Variants in HCN2 observed in about 807,000 individuals in gnomAD.
HCN2 encodes potassium/sodium hyperpolarization-activated cyclic nucleotide-gated channel 2.
In HCN2, 20 loss-of-function variants were observed where a neutral mutation model predicts 52.3. The observed-to-expected ratio is 0.38, with a 90% CI of 0.27 to 0.56. HCN2 has a LOEUF of 0.56. HCN2 is among the 20% of genes least tolerant of loss of function. HCN2 has a pLI of 0.71. For missense variants in HCN2, 981 were observed against 1,207.7 expected (o/e 0.81, Z 2.78); for synonymous variants, 694 against 537.0 (o/e 1.29, Z -4.04).
intron 1 of HCN2, among the ~76,000 whole-genome samples, chr19:598,179 C>T (rs1056206355): frequency 4.6e-5 from 7 of 152,306 alleles, no homozygotes; most frequent in Admixed American, 1.3e-4. Flanking sequence ...ATGTGTCGGA[C>T]TGGGGGCCTG....
rs1285020953 is a variant in HCN2, at chr19:615,695, C to T, written c.1991-100C>T. 4 of 1,139,478 alleles carry T rather than the reference C, an allele frequency of 3.5e-6. No homozygotes were observed. In the South Asian group the frequency reaches 3.8e-5, roughly 11 times the overall value. 70.6% of individuals were successfully genotyped at this position (1,139,478 alleles called of 1,614,324 possible). On this transcript the variant is annotated intron_variant, in intron 7 of 7. Coordinates refer to ENST00000251287, the MANE Select transcript of HCN2 (RefSeq NM_001194.4). ...GTAAATGCATGCTTGCTCTACACGG[C>T]AAGCACTGTGTGCGCACCCGCGGTG... is the stretch of plus-strand genomic sequence containing the variant.
rs1432091393 is a variant in HCN2, at chr19:615,903, A to G, written c.2099A>G (p.Glu700Gly). Residue 700 changes from glutamate to glycine, a missense_variant, in exon 8 of 8, where the codon GAG becomes GGG. Around this residue, in one of 6 missense-constraint regions of HCN2, gnomAD observed 368 missense variants for 314.8 expected, o/e 1.17. Coordinates refer to ENST00000251287, the MANE Select transcript of HCN2 (RefSeq NM_001194.4). ...IIQEIVKYDREMVQQAELGQR... is the reference protein window; with the variant it reads ...IIQEIVKYDRGMVQQAELGQR... ...CAGGAGATCGTCAAGTACGACCGCG[A>G]GATGGTGCAGCAGGCCGAGCTGGGT... The G allele has an allele frequency of 6.2e-7, 1 of 1,612,576 alleles. No homozygotes were observed. Among genetic ancestry groups the G allele is most frequent in the East Asian group, 2.2e-5 (1 of 44,838 alleles).
In HCN2 at chr19:613,590, T is replaced by TCC. The variant is rs1568368620; in HGVS notation, c.1825+102_1825+103insCC. 3.0e-4 allele frequency: 17 copies of TCC among 55,796 alleles called. 1 individual carries two copies. In the East Asian group the frequency reaches 3.3e-3, roughly 11 times the overall value. The allele number at this position is 55,796 out of a possible 1,614,324, so 3.5% of individuals were successfully genotyped here. A position where few individuals can be genotyped will look rare whatever the true frequency, so the allele number is the denominator to read the frequency against. ...CCGGGGCCGGGGCCGGGGATGGGGA[T>TCC]GGGGATGGGGATGGGGCCGGGGATG... On this transcript the variant is annotated intron_variant, in intron 6 of 7. Transcript: ENST00000251287.
At chr19:597,101 C>T (rs538606684) in intron 1 of HCN2, among the ~76,000 whole-genome samples, 40 of 152,326 alleles carry the variant, frequency 2.6e-4, no homozygotes, top group African/African-American at 8.7e-4. Context: ...ACGGGCAGGC[C>T]CAGCCCCACA....
intron 1 of HCN2, among the ~76,000 whole-genome samples, chr19:596,140 C>T (rs775538260): frequency 5.3e-5 from 8 of 152,220 alleles, no homozygotes; most frequent in Non-Finnish European, 1.2e-4. Flanking sequence ...CCTGGAGAGA[C>T]GGGGACCTGC....
At chr19:600,187 C>G (rs1238230381) in intron 1 of HCN2, among the ~76,000 whole-genome samples, 5 of 152,054 alleles carry the variant, frequency 3.3e-5, no homozygotes, top group Non-Finnish European at 7.4e-5. Context: ...GTGTTTTGTT[C>G]TTTGAGACAG....
In HCN2 at chr19:592,304, G is replaced by A. The variant is rs1029397612; in HGVS notation, c.632+1727G>A. On this transcript the variant is annotated intron_variant, in intron 1 of 7. Transcript: ENST00000251287. This position sits in a 1 kb window ranked among gnomAD's most constrained non-coding sequence, Gnocchi z 4.8. Reference sequence around the variant, plus strand: ...GGCTGGCAGGTGGAGGCCCACACCAGCCACTCCCTCCCCTGGGCAGCTCCA... The same window carrying A: ...GGCTGGCAGGTGGAGGCCCACACCAACCACTCCCTCCCCTGGGCAGCTCCA... Among the ~76,000 whole-genome samples, 1 of 152,218 alleles carries A rather than the reference G, an allele frequency of 6.6e-6. No individual in the cohort carries two copies. The highest frequency in any genetic ancestry group is 6.5e-5 in the Admixed American group (1 of 15,284).
At position 604,929 on chromosome 19, in the gene HCN2, G is replaced by C. The variant is rs191473796; in HGVS notation, c.1057-132G>C. 1.3e-4 allele frequency: 115 copies of C among 901,180 alleles called. 8 individuals carry two copies. In the Admixed American group the frequency reaches 3.5e-3, roughly 27 times the overall value. 55.8% of individuals were successfully genotyped at this position (901,180 alleles called of 1,614,324 possible). On this transcript the variant is annotated intron_variant, in intron 2 of 7. Coordinates refer to ENST00000251287, the MANE Select transcript of HCN2 (RefSeq NM_001194.4). ...GGGGCAGGGCTGCAGGGTGGGGCGGGGGTCCTGTGCGGGGCCTTGGATTTG... is the reference window on the plus strand; with the variant it reads ...GGGGCAGGGCTGCAGGGTGGGGCGGCGGTCCTGTGCGGGGCCTTGGATTTG...
At chr19:596,570 A>C (rs1349027327) in intron 1 of HCN2, among the ~76,000 whole-genome samples, 1 of 152,144 alleles carries the variant, frequency 6.6e-6, no homozygotes, top group Non-Finnish European at 1.5e-5. Context: ...GATGGGTTTT[A>C]AATACAGGAT....
intron 4 of HCN2, among the ~76,000 whole-genome samples, chr19:608,518 G>T (rs1026001195): frequency 6.6e-6 from 1 of 152,060 alleles, no homozygotes; most frequent in South Asian, 2.1e-4. Context: ...GAGGAGAAAC[G>T]GCCGGTGGTG....
At chr19:604,169 GAT>G (rs2144517232) in intron 2 of HCN2, among the ~76,000 whole-genome samples, 8 of 56,620 alleles carry the variant, frequency 1.4e-4, no homozygotes, top group South Asian at 9.3e-4. Flanking sequence ...AGGCCCCAGG[GAT>G]GGGGCTATGA....
In HCN2 at chr19:596,447, C is replaced by T. The variant is rs560217004; in HGVS notation, c.632+5870C>T. ...CCCCAGGGACCCAGCCTCATCCCGG[C>T]CTCCGGAGCTGGTCTCCCTCCCTGC... On this transcript the variant is annotated intron_variant, in intron 1 of 7. Coordinates refer to ENST00000251287, the MANE Select transcript of HCN2 (RefSeq NM_001194.4). Among the ~76,000 whole-genome samples, 10 of 152,346 alleles carry T rather than the reference C, an allele frequency of 6.6e-5. No individual in the cohort carries two copies. The East Asian group carries it at 1.9e-3, about 29-fold the overall frequency.
chr19:602,913 G>A lies in HCN2; in HGVS notation c.633-631G>A, dbSNP rs7508139. Among the ~76,000 whole-genome samples the A allele has an allele frequency of 2.1e-3, 253 of 119,146 alleles. 3 individuals are homozygous for A. The highest frequency in any genetic ancestry group is 8.4e-3 in the African/African-American group (236 of 28,008). The allele number at this position is 119,146 out of a possible 152,430, so 78.2% of individuals were successfully genotyped here. On this transcript the variant is annotated intron_variant, in intron 1 of 7. Transcript: ENST00000251287. ...CTTCCTGGGGTGGGAGCCTGGTCCC[G>A]AGGGAGGAGTGCCCAGGGCTTGTCC...
Position 610,480 on chromosome 19 carries a change from C to T in HCN2, c.1584+75C>T, listed in dbSNP as rs566651136. The T allele has an allele frequency of 4.6e-5, 65 of 1,400,016 alleles. No individual in the cohort carries two copies. In the East Asian group the frequency reaches 5.0e-4, roughly 11 times the overall value. 86.7% of individuals were successfully genotyped at this position (1,400,016 alleles called of 1,614,324 possible). ...CCTCCCTCTCCTGGAGCCCAGGAGC[C>T]GGTCCCTGAGGGAGGCGAGGTGCCT... On this transcript the variant is annotated intron_variant, in intron 5 of 7. Coordinates refer to ENST00000251287, the MANE Select transcript of HCN2 (RefSeq NM_001194.4).
At position 603,873 on chromosome 19, in the gene HCN2, G is replaced by A; in HGVS notation, c.962G>A (p.Arg321His). 6.2e-7 allele frequency: 1 copy of A among 1,612,492 alleles called. No individual in the cohort carries two copies. The highest frequency in any genetic ancestry group is 8.5e-7 in the Non-Finnish European group (1 of 1,179,832). The change falls in exon 2 of 8, where the codon CGC becomes CAC. Residue 321 changes from arginine to histidine, a missense_variant. Transcript: ENST00000251287. ...GIDSEVYKTA[R>H]ALRIVRFTKI... ...GACTCCGAGGTCTACAAGACGGCAC[G>A]CGCCCTGCGCATCGTGCGCTTCACC...
chr19:604,831 G>GTT (rs1568364705), intron 2 of HCN2, among the ~76,000 whole-genome samples: 1 of 71,716 alleles, frequency 1.4e-5, no homozygotes, highest in Non-Finnish European at 2.8e-5. Context: ...ATTTGGGGGG[G>GTT]TCCTGCAGTG....
rs995967879 is a variant in HCN2 at position 614,006 on chromosome 19, G to A, written c.1980G>A (p.Leu660=). 4 of 1,590,102 alleles carry A rather than the reference G, an allele frequency of 2.5e-6. No individual in the cohort carries two copies. Among genetic ancestry groups the A allele is most frequent in the South Asian group, 2.2e-5 (2 of 88,928 alleles). Residue 660 remains leucine, a synonymous_variant, in exon 7 of 8, where the codon CTG becomes CTA. Transcript: ENST00000251287. ...TCGAGACGGTGGCCATCGACCGCCT[G>A]GACCGCATCGGTGAGCGGGCCGGGG... is the stretch of plus-strand genomic sequence containing the variant. The part of the protein sequence containing the change: ...RAFETVAIDR[L]DRIGKKNSIL...
At chr19:610,747 G>A (rs536233588) in intron 5 of HCN2, among the ~76,000 whole-genome samples, 151 of 152,320 alleles carry the variant, frequency 9.9e-4, no homozygotes, top group Admixed American at 3.7e-3. Context: ...TGATTGGAGC[G>A]GGTTTAACTC....
intron 3 of HCN2, among the ~76,000 whole-genome samples, chr19:606,993 A>T (rs1320226469): frequency 1.3e-5 from 2 of 148,786 alleles, no homozygotes; most frequent in Non-Finnish European, 3.0e-5. Flanking sequence ...ACCAACATGG[A>T]GAAACCCCGT....
Sources: gnomAD v4.1 joint callset for allele counts (sites outside exome capture counted in the v4.1 genomes callset) on GRCh38, gnomAD v4.1.1 for gene constraint, gnomAD v4.1.1 regional missense constraint, Gnocchi (gnomAD v3.1) non-coding constraint, MANE v1.5 for transcripts, NCBI Gene and HGNC (gene_info 2026-07-23, HGNC 2026-07-21) for gene names.